The following HUWE1 variants were observed in gnomAD, a reference collection of about 807,000 sequenced individuals.
The protein encoded by HUWE1 is E3 ubiquitin-protein ligase HUWE1.
Under a neutral mutation model 299.4 loss-of-function variants are expected in HUWE1, and 18 were observed. The observed-to-expected ratio is 0.06, with a 90% CI of 0.04 to 0.09. HUWE1 has a LOEUF of 0.09. HUWE1 is among the 10% of genes least tolerant of loss of function. HUWE1 has a pLI of 1.00. For missense variants in HUWE1, 1,832 were observed against 3,462.3 expected, an observed-to-expected ratio of 0.53 and a Z score of 11.82; for synonymous variants, 1,317 against 1,286.1, an observed-to-expected ratio of 1.02 and a Z score of -0.51.
chrX:53,598,244 C>T (rs1556986879), intron 29 of HUWE1, among the ~76,000 whole-genome samples: 1 of 111,971 alleles, frequency 8.9e-6, no homozygotes, highest in African/African-American at 3.2e-5. Context: ...ATACTTTTGA[C>T]TTTTTATGAT....
At chrX:53,559,253 A>C in intron 57 of HUWE1, 101 bp downstream of exon 57, 2 of 977,680 alleles carry the variant, frequency 2.0e-6, no homozygotes, top group Non-Finnish European at 2.9e-6. Flanking sequence ...GCTCCTATAA[A>C]ATGGGGGTTT....
In HUWE1 at chrX:53,534,094, G is replaced by A; in HGVS notation, c.12935C>T (p.Ala4312Val). 8.3e-7 allele frequency: 1 copy of A among 1,210,061 alleles called. No individual in the cohort carries two copies. The highest frequency in any genetic ancestry group is 1.8e-5 in the South Asian group (1 of 56,947). Residue 4312 changes from alanine to valine, a missense_variant, in exon 83 of 84, where the codon GCT becomes GTT. Physicochemically the swap from Ala to Val is moderately conservative, Grantham distance 64 (BLOSUM62 0). This residue lies in a region of HUWE1 where 129 missense variants were observed against 439.4 expected (regional missense o/e 0.29). Transcript: ENST00000262854. ...GTSKVPLQGF[A>V]ALEGMNGIQK... ...AATGCCATTCATGCCTTCGAGGGCA[G>A]CAAAGCCTTGCAGGGGTACCTTGGA...
At chrX:53,656,278 AGGC>A (rs2068740066) in intron 3 of HUWE1, among the ~76,000 whole-genome samples, 1 of 110,590 alleles carries the variant, frequency 9.0e-6, no homozygotes, top group Non-Finnish European at 1.9e-5. Flanking sequence ...TGGGAGGCTG[AGGC>A]AGAAGAATTG....
At chrX:53,615,930 A>G (rs1603114274) in intron 21 of HUWE1, 95 bp from the exon 22 acceptor site, 1 of 626,637 alleles carries the variant, frequency 1.6e-6, no homozygotes, top group East Asian at 3.5e-5. Context: ...GAAAGAAGAA[A>G]CTGAGCCTGG....
intron 25 of HUWE1, among the ~76,000 whole-genome samples, chrX:53,606,140 T>C (rs997991691): frequency 1.8e-5 from 2 of 111,757 alleles, no homozygotes; most frequent in Non-Finnish European, 3.8e-5. Flanking sequence ...AAAATGTTTG[T>C]GAATCCAAAG....
chrX:53,668,878 T>C (rs782263662), intron 3 of HUWE1, among the ~76,000 whole-genome samples: 2 of 112,437 alleles, frequency 1.8e-5, no homozygotes, highest in African/African-American at 6.4e-5. Flanking sequence ...CTGTTAGCCA[T>C]AACTGCAGAC....
chrX:53,594,044 T>G (rs375987619), intron 31 of HUWE1, among the ~76,000 whole-genome samples: 18 of 109,996 alleles, frequency 1.6e-4, no homozygotes, highest in African/African-American at 6.0e-4. Context: ...TTGCAGTGAG[T>G]TGAGTTTGCG....
In HUWE1 at chrX:53,620,257, C is replaced by CT. The variant is rs869154000; in HGVS notation, c.1673-2812dup. ...GCATCACCTTGGAGCTTCCATTTGT[C>CT]TTTTTTTTTTTTTTTTGAGACAAGG... On this transcript the variant is annotated intron_variant, in intron 19 of 83. Coordinates refer to ENST00000262854, the MANE Select transcript of HUWE1 (RefSeq NM_031407.7). 4.9e-3 allele frequency among the ~76,000 whole-genome samples: 471 copies of CT among 95,803 alleles called. 1 individual carries two copies. Among genetic ancestry groups the CT allele is most frequent in the African/African-American group, 0.01 (279 of 26,913 alleles). The allele number at this position is 95,803 out of a possible 115,157, so 83.2% of individuals were successfully genotyped here. A position where few individuals can be genotyped will look rare whatever the true frequency, so the allele number is the denominator to read the frequency against.
chrX:53,542,845 TTGTGTGTGTGTGTGTGTGTGTG>T (rs57187405), intron 73 of HUWE1: 4,355 of 163,825 alleles, frequency 0.027, 106 homozygotes, highest in Admixed American at 0.14. Flanking sequence ...TCTTCTTCTG[TTGTGTGTGTGTGTGTGTGTGTG>T]TGTGTGTGTG....
chrX:53,536,796 A>G, intron 78 of HUWE1, 129 bp from the exon 79 acceptor site: 3 of 605,622 alleles, frequency 5.0e-6, no homozygotes, highest in Non-Finnish European at 5.3e-6. Context: ...GTAAACAGAG[A>G]GTGCCAGGAC....
At position 53,628,546 on chromosome X, in the gene HUWE1, C is replaced by T; in HGVS notation, c.1189G>A (p.Asp397Asn). The T allele has an allele frequency of 1.7e-6, 2 of 1,164,381 alleles. No individual in the cohort carries two copies. The highest frequency in any genetic ancestry group is 3.3e-5 in the East Asian group (1 of 30,750). The change falls in exon 15 of 84, where the codon GAT becomes AAT. Residue 397 changes from aspartate (D) to asparagine (N), a missense_variant. By Grantham distance (23) the Asp-to-Asn change is conservative. Transcript: ENST00000262854. ...FSFLYHLASY[D>N]AGGEALVSCG... ...GAGACCAAGGCTTCACCACCAGCAT[C>T]GTAGCTGGCCAGATGGTATAAAAAA...
chrX:53,602,773 C>A (rs1309422316), intron 27 of HUWE1, 115 bp from the exon 28 acceptor site: 3 of 425,558 alleles, frequency 7.0e-6, no homozygotes, highest in African/African-American at 2.5e-5. Context: ...CCTCCTATAG[C>A]AGGCAGGTTA....
chrX:53,566,133 G>GTGTGTA (rs782815282), intron 49 of HUWE1, among the ~76,000 whole-genome samples: 1,567 of 38,731 alleles, frequency 0.04, 52 homozygotes, highest in Non-Finnish European at 0.054. Flanking sequence ...GTGTGTGTGT[G>GTGTGTA]TATATATATA....
At position 53,550,978 on chromosome X, in the gene HUWE1, C is replaced by T; in HGVS notation, c.9308G>A (p.Arg3103Gln). ...ACGCTCATGCATGAGCTGTCGCTGC[C>T]GGGCTTCTTGCTCTCGTCTCAGGGC... ...AQALRREQEA[R>Q]QRQLMHERLF... The change falls in exon 65 of 84, where the codon CGG becomes CAG. Residue 3103 changes from arginine (R) to glutamine (Q), a missense_variant. Around this residue, in one of 15 missense-constraint regions of HUWE1, gnomAD observed 91 missense variants for 281.2 expected, o/e 0.32. Transcript: ENST00000262854. The T allele has an allele frequency of 8.3e-7, 1 of 1,211,635 alleles. No individual in the cohort carries two copies. The highest frequency in any genetic ancestry group is 1.1e-6 in the Non-Finnish European group (1 of 895,456).
In HUWE1 at chrX:53,627,892, A is replaced by C; in HGVS notation, c.1243-13T>G. ...GAAACTTTATGACCTATCACGGAGA[A>C]AAAGAGGCAAAAACAATGAACTATA... On this transcript the variant is annotated splice_polypyrimidine_tract_variant and intron_variant, in intron 15 of 83. Transcript: ENST00000262854. 8.3e-7 allele frequency: 1 copy of C among 1,202,316 alleles called. No individual in the cohort carries two copies. The highest frequency in any genetic ancestry group is 1.1e-6 in the Non-Finnish European group (1 of 887,542).
At chrX:53,543,304 C>T (rs1455072651) in intron 73 of HUWE1, among the ~76,000 whole-genome samples, 1 of 110,679 alleles carries the variant, frequency 9.0e-6, no homozygotes, top group East Asian at 2.8e-4. Flanking sequence ...CACTCAATGC[C>T]GGGACCCCAA....
At chrX:53,683,955 G>T in intron 2 of HUWE1, 1 of 293,351 alleles carries the variant, frequency 3.4e-6, no homozygotes, top group Admixed American at 6.3e-5. Flanking sequence ...ACGAGCCGAA[G>T]ACCTTGCCGC....
At chrX:53,575,907 TG>T in intron 44 of HUWE1, 119 bp from the exon 45 acceptor site, 1 of 742,033 alleles carries the variant, frequency 1.3e-6, no homozygotes, top group Non-Finnish European at 2.0e-6. Flanking sequence ...ACTGTTTACA[TG>T]GTGCTATTAC....
chrX:53,634,393 CTT>C (rs1354830239), intron 7 of HUWE1, 95 bp from the exon 8 acceptor site: 12 of 597,646 alleles, frequency 2.0e-5, no homozygotes, highest in African/African-American at 1.3e-4. Flanking sequence ...CCTTATCTCT[CTT>C]TCTCTCTATG....
Sources: allele counts gnomAD v4.1 joint callset (sites outside exome capture counted in the v4.1 genomes callset), GRCh38; gene constraint gnomAD v4.1.1; regional missense constraint gnomAD v4.1.1; transcripts MANE v1.5; gene names NCBI Gene and HGNC (gene_info 2026-07-23, HGNC 2026-07-21).